RNASEH2C: variants seen among roughly 807,000 people sequenced by gnomAD.
RNASEH2C encodes the protein RNase H1 small subunit.
A neutral mutation model predicts 16.3 loss-of-function variants in RNASEH2C; 20 were observed. The ratio of observed to expected loss-of-function variants is 1.23; its 90% confidence interval spans 0.86 to 1.79. RNASEH2C has a LOEUF of 1.79. RNASEH2C is among the 40% of genes most tolerant of loss of function. The pLI, the probability that RNASEH2C is intolerant of heterozygous loss-of-function variation, is 0.00. For missense variants in RNASEH2C, 296 were observed against 235.9 expected (o/e 1.25, Z -1.67); for synonymous variants, 106 against 98.9 (o/e 1.07, Z -0.43).
chr11:65,719,957 C>T (rs1857339822), intron 3 of RNASEH2C, 88 bp downstream of exon 3: 1 of 1,607,806 alleles, frequency 6.2e-7, no homozygotes, highest in Non-Finnish European at 8.5e-7. Flanking sequence ...CCACACACTA[C>T]CCAGTAGAAT....
At position 65,719,642 on chromosome 11, in the gene RNASEH2C, C is replaced by A; in HGVS notation, c.*141G>T. 1 of 838,952 alleles carries A rather than the reference C, an allele frequency of 1.2e-6. No homozygotes were observed. Among genetic ancestry groups the A allele is most frequent in the East Asian group, 2.5e-5 (1 of 40,596 alleles). 52.0% of individuals were successfully genotyped at this position (838,952 alleles called of 1,614,324 possible). On this transcript the variant is annotated 3_prime_UTR_variant, in exon 4 of 4. Transcript: ENST00000308418. ...GTTCTTGGTGGGGAGGGGGAAAGGGCCCATGCTGGCTTAGGGGCTCTAAGG... is the reference window on the plus strand; with the variant it reads ...GTTCTTGGTGGGGAGGGGGAAAGGGACCATGCTGGCTTAGGGGCTCTAAGG...
rs1411143404 is a variant in RNASEH2C, at chr11:65,720,580, G to A, written c.172+7C>T. The A allele has an allele frequency of 2.2e-5, 34 of 1,525,454 alleles. No individual in the cohort carries two copies. The highest frequency in any genetic ancestry group is 3.0e-5 in the Non-Finnish European group (34 of 1,139,652). 94.5% of individuals were successfully genotyped at this position (1,525,454 alleles called of 1,614,324 possible). A position where few individuals can be genotyped will look rare whatever the true frequency, so the allele number is the denominator to read the frequency against. On this transcript the variant is annotated splice_region_variant and intron_variant, in intron 1 of 3. Coordinates refer to ENST00000308418, the MANE Select transcript of RNASEH2C (RefSeq NM_032193.4). ...GCCGGGAGCCGTAGTCCGGCCGCAG[G>A]GCTCACCCTCGGGGCCCTGGCGGAT...
In RNASEH2C at chr11:65,720,155, T is replaced by C. The variant is rs145783593; in HGVS notation, c.358A>G (p.Ile120Val). 72 of 1,614,226 alleles carry C rather than the reference T, an allele frequency of 4.5e-5. No individual in the cohort carries two copies. The highest frequency in any genetic ancestry group is 3.3e-4 in the Middle Eastern group (2 of 6,062). The stretch of plus-strand genomic sequence containing the variant: ...CGGCTGAAGTTGGCAGTGGCTCCAA[T>C]GAAGCGGTCCTGGGGAAGGGGCCTG... ...EPLERDFDRF[I>V]GATANFSRFT... Residue 120 changes from isoleucine (I) to valine (V), a missense_variant, in exon 3 of 4, where the codon ATT (isoleucine) becomes GTT (valine). Ile to Val is a conservative substitution (Grantham distance 29). Coordinates refer to ENST00000308418, the MANE Select transcript of RNASEH2C (RefSeq NM_032193.4).
At chr11:65,719,930 T>C in intron 3 of RNASEH2C, 115 bp downstream of exon 3, 1 of 1,603,894 alleles carries the variant, frequency 6.2e-7, no homozygotes, top group Non-Finnish European at 8.5e-7. Context: ...GGAAGAGTGG[T>C]CAGGGAGCTA....
rs1273079770 is a variant in RNASEH2C, at chr11:65,719,810, C to T, written c.469-1G>A. ...AGTCCTCGGGCACCTGTGCGTGAAT[C>T]TGCAACAGGAGTCGCCTCTACTGTT... On this transcript the variant is annotated splice_acceptor_variant, in intron 3 of 3. Coordinates refer to ENST00000308418, the MANE Select transcript of RNASEH2C (RefSeq NM_032193.4). LOFTEE classifies it high-confidence loss of function. 4.3e-6 allele frequency: 7 copies of T among 1,614,052 alleles called. No individual in the cohort carries two copies. The highest frequency in any genetic ancestry group is 2.2e-5 in the East Asian group (1 of 44,900).
Position 65,718,807 on chromosome 11 carries a change from T to C in RNASEH2C, c.*976A>G, listed in dbSNP as rs1857296375. On this transcript the variant is annotated 3_prime_UTR_variant, in exon 4 of 4. Coordinates refer to ENST00000308418, the MANE Select transcript of RNASEH2C (RefSeq NM_032193.4). Reference sequence around the variant, plus strand: ...GGCATGGCTTGTCTGTTCCTGGGCTTTCTCTCTCAGGGCTCCTGGGGACAG... The same window carrying C: ...GGCATGGCTTGTCTGTTCCTGGGCTCTCTCTCTCAGGGCTCCTGGGGACAG... 9.3e-6 allele frequency: 15 copies of C among 1,613,760 alleles called. No individual in the cohort carries two copies. The highest frequency in any genetic ancestry group is 2.2e-5 in the East Asian group (1 of 44,874).
rs1227864904 is a variant in RNASEH2C at position 65,718,714 on chromosome 11, G to A, written c.*1069C>T. 1.2e-6 allele frequency: 2 copies of A among 1,614,202 alleles called. No individual in the cohort carries two copies. The highest frequency in any genetic ancestry group is 2.2e-5 in the East Asian group (1 of 44,884). Reference sequence around the variant, plus strand: ...TCCTGGAGATCCTGATGGGGCTGAAGTCGGAGAGCGGGGAGAGGCCACAGA... The same window carrying A: ...TCCTGGAGATCCTGATGGGGCTGAAATCGGAGAGCGGGGAGAGGCCACAGA... On this transcript the variant is annotated 3_prime_UTR_variant, in exon 4 of 4. Coordinates refer to ENST00000308418, the MANE Select transcript of RNASEH2C (RefSeq NM_032193.4).
In RNASEH2C at chr11:65,719,375, A is replaced by G. The variant is rs564528337; in HGVS notation, c.*408T>C. The G allele has an allele frequency of 2.2e-5, 15 of 684,138 alleles. No homozygotes were observed. The highest frequency in any genetic ancestry group is 1.8e-4 in the African/African-American group (10 of 55,400). 42.4% of individuals were successfully genotyped at this position (684,138 alleles called of 1,614,324 possible). On this transcript the variant is annotated 3_prime_UTR_variant, in exon 4 of 4. Transcript: ENST00000308418. ...GAGCTCCGGGCTCAGACCAACTCCA[A>G]GGTCAGCTGGCCACAGGCCCAGGCC...
chr11:65,719,007 T>A lies in RNASEH2C; in HGVS notation c.*776A>T. 1 of 1,614,034 alleles carries A rather than the reference T, an allele frequency of 6.2e-7. No homozygotes were observed. Among genetic ancestry groups the A allele is most frequent in the Non-Finnish European group, 8.5e-7 (1 of 1,179,950 alleles). ...GTGTGGGATGCAGAGTGCAGTCCTC[T>A]GTGGGCTGACCACCTGCTGAACCCA... On this transcript the variant is annotated 3_prime_UTR_variant, in exon 4 of 4. Coordinates refer to ENST00000308418, the MANE Select transcript of RNASEH2C (RefSeq NM_032193.4).
Position 65,720,346 on chromosome 11 carries a change from A to G in RNASEH2C, c.244T>C (p.Tyr82His), listed in dbSNP as rs1352533215. Residue 82 changes from tyrosine to histidine, a missense_variant, in exon 2 of 4, where the codon TAC becomes CAC. By Grantham distance (83) the Tyr-to-His change is moderately conservative (BLOSUM62 2). Coordinates refer to ENST00000308418, the MANE Select transcript of RNASEH2C (RefSeq NM_032193.4). Reference protein sequence around the residue: ...EVAVPPGLVGYVMVTEEKKVS... With the variant: ...EVAVPPGLVGHVMVTEEKKVS... ...TTCTTCTCTTCTGTCACCATCACGT[A>G]TCCCACGAGGCCAGGCGGCACCGCC... 1 of 1,614,102 alleles carries G rather than the reference A, an allele frequency of 6.2e-7. No individual in the cohort carries two copies. The highest frequency in any genetic ancestry group is 1.3e-5 in the African/African-American group (1 of 74,942).
chr11:65,717,725 C>A lies in RNASEH2C; in HGVS notation c.*2058G>T, dbSNP rs1857249370. 1 of 152,808 alleles carries A rather than the reference C, an allele frequency of 6.5e-6. No individual in the cohort carries two copies. The highest frequency in any genetic ancestry group is 2.4e-5 in the African/African-American group (1 of 41,458). The allele number at this position is 152,808 out of a possible 1,614,324, so 9.5% of individuals were successfully genotyped here. On this transcript the variant is annotated 3_prime_UTR_variant, in exon 4 of 4. Coordinates refer to ENST00000308418, the MANE Select transcript of RNASEH2C (RefSeq NM_032193.4). ...GTTAAATGATGCCCAGATGGGGTCA[C>A]ATCCTCAGAACTTCTCAGCCTGGTA...
chr11:65,719,276 G>A lies in RNASEH2C; in HGVS notation c.*507C>T. The A allele has an allele frequency of 7.0e-7, 1 of 1,438,768 alleles. No individual in the cohort carries two copies. 89.1% of individuals were successfully genotyped at this position (1,438,768 alleles called of 1,614,324 possible). On this transcript the variant is annotated 3_prime_UTR_variant, in exon 4 of 4. Coordinates refer to ENST00000308418, the MANE Select transcript of RNASEH2C (RefSeq NM_032193.4). ...GCAGCTCCCACAAAGCACTCTAAGGGAGATGGGGCTGAGGACAGCTCAAAA... is the reference window on the plus strand; with the variant it reads ...GCAGCTCCCACAAAGCACTCTAAGGAAGATGGGGCTGAGGACAGCTCAAAA...
In RNASEH2C at chr11:65,719,067, G is replaced by A; in HGVS notation, c.*716C>T. ...CCCAGGGCCAGTACATCCTCACACT[G>A]TCAGAGGACATCGTGGATGGCCATG... On this transcript the variant is annotated 3_prime_UTR_variant, in exon 4 of 4. Coordinates refer to ENST00000308418, the MANE Select transcript of RNASEH2C (RefSeq NM_032193.4). 2.5e-6 allele frequency: 4 copies of A among 1,614,182 alleles called. No homozygotes were observed. Among genetic ancestry groups the A allele is most frequent in the Non-Finnish European group, 3.4e-6 (4 of 1,180,022 alleles).
Position 65,719,682 on chromosome 11 carries a change from G to A in RNASEH2C, c.*101C>T. ...GGGCTCTAAGGCGCCCAGACTCACA[G>A]GTGCTGTGAAGAGCTCCTTTATTGG... On this transcript the variant is annotated 3_prime_UTR_variant, in exon 4 of 4. Coordinates refer to ENST00000308418, the MANE Select transcript of RNASEH2C (RefSeq NM_032193.4). 3.1e-6 allele frequency: 4 copies of A among 1,296,794 alleles called. No individual in the cohort carries two copies. The Middle Eastern group carries it at 7.7e-4, about 249-fold the overall frequency. 80.3% of individuals were successfully genotyped at this position (1,296,794 alleles called of 1,614,324 possible). A position where few individuals can be genotyped will look rare whatever the true frequency, so the allele number is the denominator to read the frequency against.
Position 65,720,573 on chromosome 11 carries a change from G to A in RNASEH2C, c.172+14C>T. Reference sequence around the variant, plus strand: ...GGGGGCTGCCGGGAGCCGTAGTCCGGCCGCAGGGCTCACCCTCGGGGCCCT... The same window carrying A: ...GGGGGCTGCCGGGAGCCGTAGTCCGACCGCAGGGCTCACCCTCGGGGCCCT... On this transcript the variant is annotated intron_variant, in intron 1 of 3. Transcript: ENST00000308418. 1 of 1,519,784 alleles carries A rather than the reference G, an allele frequency of 6.6e-7. No individual in the cohort carries two copies. Among genetic ancestry groups the A allele is most frequent in the Non-Finnish European group, 8.8e-7 (1 of 1,136,882 alleles). The allele number at this position is 1,519,784 out of a possible 1,614,324, so 94.1% of individuals were successfully genotyped here.
At position 65,720,588 on chromosome 11, in the gene RNASEH2C, C is replaced by T. The variant is rs1443418274; in HGVS notation, c.171G>A (p.Glu57=). The T allele has an allele frequency of 1.3e-6, 2 of 1,532,260 alleles. No individual in the cohort carries two copies. The highest frequency in any genetic ancestry group is 1.4e-5 in the African/African-American group (1 of 73,018). The allele number at this position is 1,532,260 out of a possible 1,614,324, so 94.9% of individuals were successfully genotyped here. A position where few individuals can be genotyped will look rare whatever the true frequency, so the allele number is the denominator to read the frequency against. The change falls in exon 1 of 4, where the codon GAG becomes GAA. Residue 57 remains glutamate (E), a splice_region_variant and synonymous_variant. Transcript: ENST00000308418. Reference sequence around the variant, plus strand: ...CCGTAGTCCGGCCGCAGGGCTCACCCTCGGGGCCCTGGCGGATGGCGGGCG... The same window carrying T: ...CCGTAGTCCGGCCGCAGGGCTCACCTTCGGGGCCCTGGCGGATGGCGGGCG... ...FFTPAIRQGP[E]GLEVSFRGRC... is the part of the protein sequence containing the mutation.
rs1857267093 is a variant in RNASEH2C, at chr11:65,718,163, A to G, written c.*1620T>C. 1.2e-5 allele frequency: 2 copies of G among 160,584 alleles called. No individual in the cohort carries two copies. The highest frequency in any genetic ancestry group is 2.4e-5 in the African/African-American group (1 of 41,582). The allele number at this position is 160,584 out of a possible 1,614,324, so 9.9% of individuals were successfully genotyped here. On this transcript the variant is annotated 3_prime_UTR_variant, in exon 4 of 4. Transcript: ENST00000308418. ...AGGTGACACTCCCAAGGTCCCAGCT[A>G]GGAGGACTTTGAGAATTCAAGCATT...
At position 65,719,402 on chromosome 11, in the gene RNASEH2C, C is replaced by T. The variant is rs1337344036; in HGVS notation, c.*381G>A. On this transcript the variant is annotated 3_prime_UTR_variant, in exon 4 of 4. Coordinates refer to ENST00000308418, the MANE Select transcript of RNASEH2C (RefSeq NM_032193.4). The stretch of plus-strand genomic sequence containing the variant: ...GTCAGCTGGCCACAGGCCCAGGCCT[C>T]CTCTGAAGCAGGGACCAGAGGGAGC... 2 of 624,110 alleles carry T rather than the reference C, an allele frequency of 3.2e-6. No individual in the cohort carries two copies. Among genetic ancestry groups the T allele is most frequent in the South Asian group, 2.0e-5 (1 of 50,792 alleles). The allele number at this position is 624,110 out of a possible 1,614,324, so 38.7% of individuals were successfully genotyped here.
Position 65,718,410 on chromosome 11 carries a change from A to G in RNASEH2C, c.*1373T>C, listed in dbSNP as rs1031794741. 27 of 660,124 alleles carry G rather than the reference A, an allele frequency of 4.1e-5. No individual in the cohort carries two copies. The highest frequency in any genetic ancestry group is 6.9e-5 in the Non-Finnish European group (26 of 375,998). The allele number at this position is 660,124 out of a possible 1,614,324, so 40.9% of individuals were successfully genotyped here. On this transcript the variant is annotated 3_prime_UTR_variant, in exon 4 of 4. Transcript: ENST00000308418. ...CCTCCACTGTGCTCAGCGCACGGAA[A>G]GAGTGAATACTCAGTTCTTCCTGAG...
Sources: allele counts gnomAD v4.1 joint callset, GRCh38; gene constraint gnomAD v4.1.1; transcripts MANE v1.5; gene names NCBI Gene and HGNC (gene_info 2026-07-23, HGNC 2026-07-21).